FBXO42: variants seen among roughly 807,000 people sequenced by gnomAD.
FBXO42 encodes the protein F-box protein 42, also known as F-box only protein 42.
In FBXO42, 12 loss-of-function variants were observed where a neutral mutation model predicts 71.7. The observed-to-expected ratio is 0.17, with a 90% CI of 0.11 to 0.27. The LOEUF (loss-of-function observed/expected upper bound fraction) is 0.27. Ranked by LOEUF, FBXO42 falls within the 10% of genes least tolerant of loss-of-function variation. FBXO42 has a pLI of 1.00. For missense variants in FBXO42, 707 were observed against 911.9 expected (o/e 0.78, Z 2.89); for synonymous variants, 325 against 327.5 (o/e 0.99, Z 0.08).
At chr1:16,340,809 A>C (rs1172350356) in intron 1 of FBXO42, among the ~76,000 whole-genome samples, 1 of 152,218 alleles carries the variant, frequency 6.6e-6, no homozygotes, top group African/African-American at 2.4e-5. Flanking sequence ...TTATAGAACA[A>C]CTGAACCCTT....
chr1:16,261,716 T>G lies in FBXO42; in HGVS notation c.503-4957A>C, dbSNP rs183424675. 8.3e-4 allele frequency among the ~76,000 whole-genome samples: 123 copies of G among 147,646 alleles called. 2 individuals are homozygous for G. The East Asian group carries it at 0.017, about 20-fold the overall frequency. Reference sequence around the variant, plus strand: ...TACAGGTATATCAATTTTTTTTTTTTGTTTTTGAGACGCGTCTCACTCTGT... The same window carrying G: ...TACAGGTATATCAATTTTTTTTTTTGGTTTTTGAGACGCGTCTCACTCTGT... On this transcript the variant is annotated intron_variant, in intron 4 of 9. Transcript: ENST00000375592.
chr1:16,352,198 T>TA (rs1434377825), intron 1 of FBXO42, 57 bp downstream of exon 1: 1 of 387,038 alleles, frequency 2.6e-6, no homozygotes, highest in African/African-American at 2.1e-5. Context: ...GTCCCGGGCA[T>TA]AAAGGGCAGA....
intron 2 of FBXO42, among the ~76,000 whole-genome samples, chr1:16,307,523 C>CAA (rs796835478): frequency 7.9e-5 from 10 of 126,072 alleles, no homozygotes; most frequent in African/African-American, 2.6e-4. Flanking sequence ...AAAAAACAAG[C>CAA]AAAAAAAAAA....
At chr1:16,270,674 C>CAAAAAA (rs34861558) in intron 4 of FBXO42, among the ~76,000 whole-genome samples, 25 of 14,886 alleles carry the variant, frequency 1.7e-3, no homozygotes, top group Non-Finnish European at 1.6e-3. Context: ...CTCTGTCTCT[C>CAAAAAA]AAAAAAAAAA....
chr1:16,283,942 G>A (rs11260717), intron 4 of FBXO42, among the ~76,000 whole-genome samples: 28,966 of 151,958 alleles, frequency 0.19, 3,185 homozygotes, highest in Non-Finnish European at 0.24. Flanking sequence ...TAAAGTAACC[G>A]AAAAAGGCAG....
intron 4 of FBXO42, among the ~76,000 whole-genome samples, chr1:16,285,118 C>T (rs2082008425): frequency 6.6e-6 from 1 of 151,924 alleles, no homozygotes. Flanking sequence ...TGTACTCCAG[C>T]CCCGCGACAC....
chr1:16,328,850 C>T (rs1427422078), intron 1 of FBXO42, among the ~76,000 whole-genome samples: 1 of 151,926 alleles, frequency 6.6e-6, no homozygotes, highest in Admixed American at 6.6e-5. Context: ...AGGAAGTGCC[C>T]TAAAAACAAA....
intron 1 of FBXO42, among the ~76,000 whole-genome samples, chr1:16,317,212 G>C (rs1171871606): frequency 1.3e-5 from 2 of 152,140 alleles, no homozygotes; most frequent in East Asian, 3.9e-4. Context: ...GAGGTCAGGA[G>C]TTCAAGACCA....
Position 16,249,106 on chromosome 1 carries a change from A to G in FBXO42, c.*1564T>C, listed in dbSNP as rs1471346459. 1 of 152,254 alleles carries G rather than the reference A, an allele frequency of 6.6e-6. No individual in the cohort carries two copies. The highest frequency in any genetic ancestry group is 2.4e-5 in the African/African-American group (1 of 41,472). The allele number at this position is 152,254 out of a possible 1,614,324, so 9.4% of individuals were successfully genotyped here. On this transcript the variant is annotated 3_prime_UTR_variant, in exon 10 of 10. Coordinates refer to ENST00000375592, the MANE Select transcript of FBXO42 (RefSeq NM_018994.3). ...GGTGATGTTTTGAAATTAGGATTTA[A>G]ATTTCAAAACAAAACAAAGGCAAAA...
At chr1:16,336,733 C>T (rs2082556581) in intron 1 of FBXO42, among the ~76,000 whole-genome samples, 1 of 150,822 alleles carries the variant, frequency 6.6e-6, no homozygotes, top group African/African-American at 2.4e-5. Context: ...CCTATAATCC[C>T]AACACTTTGG....
At position 16,251,829 on chromosome 1, in the gene FBXO42, A is replaced by T; in HGVS notation, c.1039-44T>A. On this transcript the variant is annotated intron_variant, in intron 9 of 9. Transcript: ENST00000375592. This position sits in a 1 kb window ranked among gnomAD's most constrained non-coding sequence, Gnocchi z 4.5. The stretch of plus-strand genomic sequence containing the variant: ...GTGCTCACACTCTTCTATGATTCTG[A>T]TTGTTCATTCAACTGTCAAACATTT... 1 of 1,562,588 alleles carries T rather than the reference A, an allele frequency of 6.4e-7. No homozygotes were observed. Among genetic ancestry groups the T allele is most frequent in the South Asian group, 1.2e-5 (1 of 83,956 alleles).
chr1:16,327,137 T>G (rs886297006), intron 1 of FBXO42, among the ~76,000 whole-genome samples: 12 of 152,204 alleles, frequency 7.9e-5, no homozygotes, highest in Non-Finnish European at 1.5e-4. Context: ...CTTAACAATA[T>G]CGGTACTTTT....
chr1:16,268,929 C>A (rs990112928), intron 4 of FBXO42, among the ~76,000 whole-genome samples: 4 of 150,916 alleles, frequency 2.7e-5, no homozygotes, highest in African/African-American at 9.7e-5. Flanking sequence ...CGGTCTCAGC[C>A]TCCCGAGTAG....
At position 16,255,712 on chromosome 1, in the gene FBXO42, T is replaced by C; in HGVS notation, c.766A>G (p.Met256Val). 2 of 1,613,204 alleles carry C rather than the reference T, an allele frequency of 1.2e-6. No homozygotes were observed. Among genetic ancestry groups the C allele is most frequent in the East Asian group, 4.5e-5 (2 of 44,880 alleles). ...VFGGSLGSRQMSNDVWVLDLE... is the reference protein window; with the variant it reads ...VFGGSLGSRQVSNDVWVLDLE... ...ATGGAGCAAACCAAATGTACTTACA[T>C]TTGCCGGGATCCTAAAGAGCCACCA... is the stretch of plus-strand genomic sequence containing the variant. Residue 256 changes from methionine to valine, a missense_variant and splice_region_variant, in exon 6 of 10, where the codon ATG becomes GTG. Transcript: ENST00000375592.
chr1:16,267,504 G>A (rs1161465271), intron 4 of FBXO42, among the ~76,000 whole-genome samples: 3 of 152,134 alleles, frequency 2.0e-5, no homozygotes, highest in East Asian at 1.9e-4. Context: ...AGCCATCCAC[G>A]GAAGCCAAAT....
intron 1 of FBXO42, among the ~76,000 whole-genome samples, chr1:16,341,723 C>T (rs1003814024): frequency 5.3e-5 from 8 of 151,200 alleles, no homozygotes; most frequent in East Asian, 3.9e-4. Context: ...GTAATCCCAG[C>T]GCTTTGGTAG....
At chr1:16,335,005 T>C (rs544626801) in intron 1 of FBXO42, among the ~76,000 whole-genome samples, 15 of 123,084 alleles carry the variant, frequency 1.2e-4, no homozygotes, top group South Asian at 1.2e-3. Context: ...GGTGGGCGAA[T>C]AGCTTGAGCC....
intron 6 of FBXO42, among the ~76,000 whole-genome samples, chr1:16,254,113 T>G (rs1459410659): frequency 6.6e-6 from 1 of 152,222 alleles, no homozygotes; most frequent in Non-Finnish European, 1.5e-5. Context: ...TTTCTTCCCC[T>G]ACTTTCCCTA....
At chr1:16,270,688 A>T in intron 4 of FBXO42, among the ~76,000 whole-genome samples, 1 of 31,394 alleles carries the variant, frequency 3.2e-5, no homozygotes, top group East Asian at 6.6e-4. Context: ...AAAAAAAAAA[A>T]AAAAAAAAGA....
Sources: gnomAD v4.1 joint callset for allele counts (sites outside exome capture counted in the v4.1 genomes callset) on GRCh38, gnomAD v4.1.1 for gene constraint, Gnocchi (gnomAD v3.1) non-coding constraint, MANE v1.5 for transcripts, NCBI Gene and HGNC (gene_info 2026-07-23, HGNC 2026-07-21) for gene names.